ZNF177: variants seen among roughly 807,000 people sequenced by gnomAD.
ZNF177 encodes the protein zinc finger protein 177.
In ZNF177, 17 loss-of-function variants were observed where a neutral mutation model predicts 19.4. The observed-to-expected ratio is 0.87, with a 90% CI of 0.60 to 1.31. ZNF177 has a LOEUF of 1.31. Ranked by LOEUF, ZNF177 falls within the 40% of genes most tolerant of loss-of-function variation. The pLI, the probability that ZNF177 is intolerant of heterozygous loss-of-function variation, is 0.00. For missense variants in ZNF177, 633 were observed against 561.8 expected (o/e 1.13, Z -1.28); for synonymous variants, 220 against 188.7 (o/e 1.17, Z -1.36).
chr19:9,377,981 T>C (rs181445031), intron 1 of ZNF177, among the ~76,000 whole-genome samples: 5 of 152,304 alleles, frequency 3.3e-5, no homozygotes, highest in Non-Finnish European at 5.9e-5. Context: ...GTAAATGATA[T>C]TCAGAGACAG....
rs1191763523 is a variant in ZNF177 at position 9,378,846 on chromosome 19, T to G, written c.34-116T>G. 6 of 1,417,492 alleles carry G rather than the reference T, an allele frequency of 4.2e-6. No individual in the cohort carries two copies. In the East Asian group the frequency reaches 1.2e-4, roughly 29 times the overall value. The allele number at this position is 1,417,492 out of a possible 1,614,324, so 87.8% of individuals were successfully genotyped here. On this transcript the variant is annotated intron_variant, in intron 2 of 5. Transcript: ENST00000589262. Reference sequence around the variant, plus strand: ...TAAGAGAAGGCCTCTGATGCATGTCTGAGCTTCCAGTGCCCTGAGTCTCCT... The same window carrying G: ...TAAGAGAAGGCCTCTGATGCATGTCGGAGCTTCCAGTGCCCTGAGTCTCCT...
At chr19:9,375,338 T>G (rs1210151468), upstream of ZNF177, among the ~76,000 whole-genome samples, 2 of 152,180 alleles carry the variant, frequency 1.3e-5, no homozygotes, top group Non-Finnish European at 2.9e-5. Context: ...ATCAGTGTAA[T>G]GCTGACCTCA....
In ZNF177 at chr19:9,364,601, C is replaced by G. The variant is rs557651286; in HGVS notation, c.-391-261C>G. ...AGTGTGCATGTGCCTGTCCAATTAGCAGGTAGACACATGTAGGTAGAGGAT... is the reference window on the plus strand; with the variant it reads ...AGTGTGCATGTGCCTGTCCAATTAGGAGGTAGACACATGTAGGTAGAGGAT... On this transcript the variant is annotated intron_variant, in intron 1 of 8. Coordinates refer to the ZNF177 transcript ENST00000343499. 3.3e-5 allele frequency among the ~76,000 whole-genome samples: 5 copies of G among 152,210 alleles called. No homozygotes were observed. The South Asian group carries it at 8.3e-4, about 25-fold the overall frequency.
At chr19:9,370,407 TG>T (rs1481270800) in intron 2 of ZNF177, among the ~76,000 whole-genome samples, 3 of 150,852 alleles carry the variant, frequency 2.0e-5, no homozygotes, top group African/African-American at 4.9e-5. Context: ...GTGGTTGGTT[TG>T]TTTTTTTTTT....
upstream of ZNF177, chr19:9,371,647 T>C (rs1037524671): frequency 2.6e-5 from 4 of 152,188 alleles, no homozygotes; most frequent in African/African-American, 7.2e-5. Context: ...TTGGAAATTA[T>C]GGGAAAAAAT....
chr19:9,377,172 T>C (rs955891287), intron 1 of ZNF177, among the ~76,000 whole-genome samples: 4 of 152,188 alleles, frequency 2.6e-5, no homozygotes, highest in African/African-American at 9.7e-5. Context: ...ACATAGCCAG[T>C]GTAACATTGT....
chr19:9,380,707 C>G, exon 6 of ZNF177: 1 of 1,535,800 alleles, frequency 6.5e-7, no homozygotes, highest in Non-Finnish European at 8.7e-7. Context: ...GGAGTGTAAC[C>G]ATTGTGGGAA....
intron 2 of ZNF177, among the ~76,000 whole-genome samples, chr19:9,370,863 A>G (rs751181082): frequency 3.9e-5 from 6 of 152,234 alleles, no homozygotes; most frequent in African/African-American, 1.4e-4. Context: ...GGCTGACTGT[A>G]TAATGAATTC....
intron 2 of ZNF177, among the ~76,000 whole-genome samples, chr19:9,370,636 A>C (rs1382461306): frequency 1.3e-5 from 2 of 152,076 alleles, no homozygotes; most frequent in African/African-American, 4.8e-5. Flanking sequence ...TGCCCAGGCT[A>C]GTCTCAAACT....
At chr19:9,379,689 T>C in intron 4 of ZNF177, 70 bp downstream of exon 6, 1 of 1,528,274 alleles carries the variant, frequency 6.5e-7, no homozygotes, top group Non-Finnish European at 8.8e-7. Context: ...TGTCACTCAG[T>C]GAAGGAAAAG....
At chr19:9,376,694 T>C (rs563304932) in intron 1 of ZNF177, among the ~76,000 whole-genome samples, 1 of 152,354 alleles carries the variant, frequency 6.6e-6, no homozygotes, top group South Asian at 2.1e-4. Context: ...ATTTCCCACA[T>C]TTTATGTTTT....
intron 2 of ZNF177, among the ~76,000 whole-genome samples, chr19:9,369,862 C>G (rs77586383): frequency 0.011 from 1,730 of 152,212 alleles, 18 homozygotes; most frequent in African/African-American, 0.017. Flanking sequence ...AAGGAACATA[C>G]TACTCAATCA....
In ZNF177 at chr19:9,380,020, T is replaced by C. The variant is rs758014528; in HGVS notation, c.254-37T>C. 3.7e-5 allele frequency: 59 copies of C among 1,597,066 alleles called. No homozygotes were observed. The African/African-American group carries it at 7.1e-4, about 19-fold the overall frequency. Reference sequence around the variant, plus strand: ...CCCTTTTTCTTTGATCCCAACCTTTTCTCCCAATAATTATAAAAATTCCTG... The same window carrying C: ...CCCTTTTTCTTTGATCCCAACCTTTCCTCCCAATAATTATAAAAATTCCTG... On this transcript the variant is annotated intron_variant, in intron 4 of 5. Coordinates refer to ENST00000589262, the Ensembl canonical transcript of ZNF177.
rs2067962154 is a variant in ZNF177 at position 9,365,310 on chromosome 19, C to A, written c.-305+362C>A. Among the ~76,000 whole-genome samples, 5 of 151,050 alleles carry A rather than the reference C, an allele frequency of 3.3e-5. No individual in the cohort carries two copies. The South Asian group carries it at 1.0e-3, about 32-fold the overall frequency. ...AGAAGCTTGCCCATAGTGAAGGAGGCAAGCCCAGAAAAAAGAGAGAGTAGA... is the reference window on the plus strand; with the variant it reads ...AGAAGCTTGCCCATAGTGAAGGAGGAAAGCCCAGAAAAAAGAGAGAGTAGA... On this transcript the variant is annotated intron_variant, in intron 2 of 8. Transcript: ENST00000343499.
At chr19:9,378,179 A>AT in intron 1 of ZNF177, 80 bp from the exon 4 acceptor site, 13 of 1,335,262 alleles carry the variant, frequency 9.7e-6, no homozygotes, top group Non-Finnish European at 1.3e-5. Flanking sequence ...GTTACCCTTT[A>AT]GTAAGAAGAA....
exon 3 of ZNF177, chr19:9,379,012 G>C: frequency 6.2e-7 from 1 of 1,610,228 alleles, no homozygotes; most frequent in Non-Finnish European, 8.5e-7. Flanking sequence ...AGGAGGAGTG[G>C]GCATTGCTGG....
exon 6 of ZNF177, chr19:9,380,820 T>C (rs909293417): frequency 1.3e-6 from 2 of 1,536,090 alleles, no homozygotes; most frequent in South Asian, 1.2e-5. Flanking sequence ...CCTCAACTCT[T>C]AGGAGTCATG....
At chr19:9,379,659 A>G in intron 4 of ZNF177, 40 bp downstream of exon 6, 1 of 1,603,800 alleles carries the variant, frequency 6.2e-7, no homozygotes, top group Non-Finnish European at 8.5e-7. Context: ...TTGGCCAGTG[A>G]GGGTTAGTAC....
chr19:9,374,222 T>C (rs1474840325), upstream of ZNF177, among the ~76,000 whole-genome samples: 2 of 152,170 alleles, frequency 1.3e-5, no homozygotes, highest in African/African-American at 4.8e-5. Flanking sequence ...CATGCCAGGG[T>C]TTATTTCTGG....
Sources: gnomAD v4.1 joint callset for allele counts (sites outside exome capture counted in the v4.1 genomes callset) on GRCh38, gnomAD v4.1.1 for gene constraint, MANE v1.5 for transcripts, NCBI Gene and HGNC (gene_info 2026-07-23, HGNC 2026-07-21) for gene names.